Variants in SEMA5A observed in about 807,000 individuals in gnomAD.
The protein encoded by SEMA5A is semaphorin 5A, also known as semaphorin-5A.
Under a neutral mutation model 135.5 loss-of-function variants are expected in SEMA5A, and 55 were observed. The observed-to-expected ratio is 0.41, with a 90% CI of 0.33 to 0.51. SEMA5A has a LOEUF of 0.51. SEMA5A is among the 20% of genes least tolerant of loss of function. SEMA5A has a pLI of 0.37. For synonymous variants in SEMA5A, 580 were observed against 546.5 expected (o/e 1.06, Z -0.85); for missense variants, 1,290 against 1,419.9 (o/e 0.91, Z 1.47).
chr5:9,169,690 G>C (rs1743807736), intron 11 of SEMA5A, among the ~76,000 whole-genome samples: 1 of 152,064 alleles, frequency 6.6e-6, no homozygotes, highest in South Asian at 2.1e-4. Context: ...AGCAACTTTG[G>C]TGTGGCCTCT....
At chr5:9,130,704 C>A (rs980234378) in intron 13 of SEMA5A, among the ~76,000 whole-genome samples, 1 of 152,230 alleles carries the variant, frequency 6.6e-6, no homozygotes, top group African/African-American at 2.4e-5. Flanking sequence ...GTTCTCTTTT[C>A]TTTCTCTTAT....
At chr5:9,490,142 A>G (rs191614577) in intron 1 of SEMA5A, among the ~76,000 whole-genome samples, 56 of 152,342 alleles carry the variant, frequency 3.7e-4, no homozygotes, top group East Asian at 3.5e-3. Flanking sequence ...AAAAGCATTT[A>G]ACAAATAAGA....
chr5:9,215,918 G>C (rs1338078621), intron 8 of SEMA5A, among the ~76,000 whole-genome samples: 1 of 151,658 alleles, frequency 6.6e-6, no homozygotes, highest in African/African-American at 2.4e-5. Context: ...TTGATTGTTT[G>C]TTGTCTAGAT....
chr5:9,235,757 A>C (rs758627244), intron 6 of SEMA5A, among the ~76,000 whole-genome samples: 1 of 150,276 alleles, frequency 6.7e-6, no homozygotes, highest in Non-Finnish European at 1.5e-5. Context: ...AAGAAAGAAA[A>C]AGAGGAGAGG....
chr5:9,434,257 G>A (rs1043491534), intron 2 of SEMA5A, among the ~76,000 whole-genome samples: 6 of 152,102 alleles, frequency 3.9e-5, no homozygotes, highest in Non-Finnish European at 8.8e-5. Flanking sequence ...GCAGTATGCA[G>A]AATTTTATGT....
chr5:9,193,377 T>G (rs1262592451), intron 10 of SEMA5A, among the ~76,000 whole-genome samples: 2 of 152,050 alleles, frequency 1.3e-5, no homozygotes, highest in Non-Finnish European at 2.9e-5. Context: ...TCCACAACAG[T>G]TTTCATGCCA....
chr5:9,327,997 A>G (rs561573758), intron 4 of SEMA5A, among the ~76,000 whole-genome samples: 1 of 152,242 alleles, frequency 6.6e-6, no homozygotes, highest in African/African-American at 2.4e-5. Flanking sequence ...ATCTCCATAT[A>G]CAATTAATTT....
intron 3 of SEMA5A, among the ~76,000 whole-genome samples, chr5:9,374,710 C>G (rs17788804): frequency 0.042 from 6,370 of 151,974 alleles, 197 homozygotes; most frequent in Admixed American, 0.066. Flanking sequence ...CACTTCCTTT[C>G]TAAGGCCCTG....
intron 6 of SEMA5A, among the ~76,000 whole-genome samples, chr5:9,229,486 G>C (rs1233685464): frequency 5.3e-5 from 8 of 152,254 alleles, no homozygotes; most frequent in Non-Finnish European, 1.0e-4. Flanking sequence ...AAGGCAGGCA[G>C]AGTGAGGATA....
intron 16 of SEMA5A, among the ~76,000 whole-genome samples, chr5:9,107,469 C>T (rs979653030): frequency 1.3e-5 from 2 of 152,068 alleles, no homozygotes; most frequent in African/African-American, 4.8e-5. Context: ...GTGTCCGGTT[C>T]ATCCCACAAT....
At chr5:9,269,858 G>A (rs1029661917) in intron 5 of SEMA5A, among the ~76,000 whole-genome samples, 2 of 152,078 alleles carry the variant, frequency 1.3e-5, no homozygotes. Flanking sequence ...AATTCCGTAT[G>A]ACAATGAACT....
intron 1 of SEMA5A, among the ~76,000 whole-genome samples, chr5:9,538,522 T>C (rs1737903064): frequency 6.6e-6 from 1 of 152,216 alleles, no homozygotes; most frequent in Non-Finnish European, 1.5e-5. Context: ...GCAGCTCTAA[T>C]GAGACCACAA....
intron 5 of SEMA5A, among the ~76,000 whole-genome samples, chr5:9,296,243 A>G (rs1300412202): frequency 6.6e-6 from 1 of 152,180 alleles, no homozygotes; most frequent in East Asian, 1.9e-4. Flanking sequence ...TGTATAATTA[A>G]TTTACTATCT....
In SEMA5A at chr5:9,266,982, T is replaced by C. The variant is rs1295323284; in HGVS notation, c.271-29092A>G. On this transcript the variant is annotated intron_variant, in intron 5 of 22. Transcript: ENST00000382496. ...TAATTTAATTCTCAGAAGACTCCCT[T>C]AAAATCCCATTGTACAGATTAGAAG... 2.0e-5 allele frequency among the ~76,000 whole-genome samples: 3 copies of C among 152,168 alleles called. No individual in the cohort carries two copies. The East Asian group carries it at 5.8e-4, about 29-fold the overall frequency.
intron 16 of SEMA5A, among the ~76,000 whole-genome samples, chr5:9,078,475 TTGCCTTTACAATAA>T (rs1286940779): frequency 6.6e-6 from 1 of 152,050 alleles, no homozygotes; most frequent in Non-Finnish European, 1.5e-5. Flanking sequence ...TGTCATGAAT[TTGCCTTTACAATAA>T]TGCATGGGGA....
At chr5:9,390,508 ACTG>A in intron 2 of SEMA5A, among the ~76,000 whole-genome samples, 1 of 152,360 alleles carries the variant, frequency 6.6e-6, no homozygotes. Flanking sequence ...CAGTAAATAG[ACTG>A]CTAATAAACT....
rs537092076 is a variant in SEMA5A, at chr5:9,460,088, C to T, written c.-174-22236G>A. ...TTGACCTACAATGATTAGACAGTGC[C>T]ACATCATCTACTGTCAAGATTTGTT... On this transcript the variant is annotated intron_variant, in intron 1 of 22. Coordinates refer to ENST00000382496, the MANE Select transcript of SEMA5A (RefSeq NM_003966.3). 2.6e-5 allele frequency among the ~76,000 whole-genome samples: 4 copies of T among 152,242 alleles called. 1 individual carries two copies. The South Asian group carries it at 6.2e-4, about 24-fold the overall frequency.
intron 8 of SEMA5A, among the ~76,000 whole-genome samples, chr5:9,222,808 C>T (rs779919325): frequency 2.6e-5 from 4 of 152,174 alleles, no homozygotes; most frequent in Non-Finnish European, 5.9e-5. Flanking sequence ...GGACGCTGAC[C>T]GATACTGACC....
At chr5:9,206,084 C>T (rs1190236588) in intron 8 of SEMA5A, among the ~76,000 whole-genome samples, 3 of 152,092 alleles carry the variant, frequency 2.0e-5, no homozygotes, top group Non-Finnish European at 4.4e-5. Flanking sequence ...TCTCAAAATG[C>T]AATCCACCAC....
Sources: allele counts gnomAD v4.1 joint callset (sites outside exome capture counted in the v4.1 genomes callset), GRCh38; gene constraint gnomAD v4.1.1; transcripts MANE v1.5; gene names NCBI Gene and HGNC (gene_info 2026-07-23, HGNC 2026-07-21).